Variants in PLB1 observed in about 807,000 individuals in gnomAD.
PLB1 encodes phospholipase B1, membrane-associated.
In PLB1, 242 loss-of-function variants were observed where a neutral mutation model predicts 227.4. The ratio of observed to expected loss-of-function variants is 1.06; its 90% CI spans 0.96 to 1.18. The LOEUF (loss-of-function observed/expected upper bound fraction) is 1.18, where lower values mean the gene tolerates loss of function less well. Among genes scored for constraint, PLB1 ranks in the 50% most tolerant of loss-of-function variants. The pLI, the probability that PLB1 is intolerant of heterozygous loss-of-function variation, is 0.00. For missense variants in PLB1, 1,858 were observed against 1,816.3 expected (o/e 1.02, Z -0.42); for synonymous variants, 757 against 682.2 (o/e 1.11, Z -1.71).
rs199628967 is a variant in PLB1 at position 28,523,222 on chromosome 2, C to G, written c.244-2045C>G. 9.6e-3 allele frequency among the ~76,000 whole-genome samples: 1,154 copies of G among 120,022 alleles called. 15 individuals carry two copies. The highest frequency in any genetic ancestry group is 0.029 in the African/African-American group (1,072 of 36,974). 78.7% of individuals were successfully genotyped at this position (120,022 alleles called of 152,430 possible). On this transcript the variant is annotated intron_variant, in intron 4 of 57. Transcript: ENST00000327757. ...ATTCCTCTACCTCAACAAACATACA[C>G]ACGTGCACACACATATATACATTCT...
chr2:28,507,064 C>T (rs191558039), intron 1 of PLB1, among the ~76,000 whole-genome samples: 21 of 152,254 alleles, frequency 1.4e-4, no homozygotes, highest in Non-Finnish European at 7.4e-5. Context: ...TCCCAGGTCC[C>T]GTTTAAAGTT....
chr2:28,628,421 GCTT>G (rs1357297284), intron 51 of PLB1, 139 bp from the exon 52 acceptor site: 4 of 678,206 alleles, frequency 5.9e-6, no homozygotes, highest in African/African-American at 5.3e-5. Context: ...CAAGAACTGG[GCTT>G]CTCAGTTTGA....
intron 43 of PLB1, 75 bp from the exon 44 acceptor site, chr2:28,613,956 T>C (rs1685830701): frequency 4.4e-6 from 5 of 1,142,340 alleles, no homozygotes; most frequent in South Asian, 1.2e-5. Context: ...CAGGGCAGGA[T>C]TGTTAGTTTT....
rs754672534 is a variant in PLB1 at position 28,633,021 on chromosome 2, C to G, written c.4080C>G (p.Ile1360Met). 1 of 1,614,000 alleles carries G rather than the reference C, an allele frequency of 6.2e-7. No homozygotes were observed. Among genetic ancestry groups the G allele is most frequent in the South Asian group, 1.1e-5 (1 of 91,074 alleles). Residue 1360 changes from isoleucine (I) to methionine (M), a missense_variant, in exon 56 of 58, where the codon ATC becomes ATG. Transcript: ENST00000327757. ...FSDRGHAEMA[I>M]ALWNNMLEPV... ...ACCGCGGGCATGCCGAGATGGCCAT[C>G]GCACTCTGGAACAACATGGTGAGCA...
Position 28,592,635 on chromosome 2 carries a change from C to T in PLB1, c.2189-26C>T, listed in dbSNP as rs1276042154. On this transcript the variant is annotated intron_variant, in intron 31 of 57. Coordinates refer to ENST00000327757, the MANE Select transcript of PLB1 (RefSeq NM_153021.5). ...TGACTGTGGCTTCCCTCCTGCAGCC[C>T]TAAGTGTGTCCACTTGTCTTTCCAG... The T allele has an allele frequency of 3.7e-6, 6 of 1,612,968 alleles. 1 individual carries two copies. The South Asian group carries it at 4.4e-5, about 12-fold the overall frequency.
chr2:28,612,039 G>A lies in PLB1; in HGVS notation c.3130-1992G>A, dbSNP rs550772035. On this transcript the variant is annotated intron_variant, in intron 43 of 57. Coordinates refer to ENST00000327757, the MANE Select transcript of PLB1 (RefSeq NM_153021.5). ...CAGGTGCCTGTAGTCCCAGCTACTC[G>A]GGAGGCTGAGGCAGGAAAATGGCAT... is the stretch of plus-strand genomic sequence containing the variant. Among the ~76,000 whole-genome samples, 61 of 152,240 alleles carry A rather than the reference G, an allele frequency of 4.0e-4. No homozygotes were observed. In the Middle Eastern group the frequency reaches 0.01, roughly 26 times the overall value.
Position 28,548,903 on chromosome 2 carries a change from A to T in PLB1, c.980A>T (p.His327Leu). The T allele has an allele frequency of 6.2e-7, 1 of 1,614,116 alleles. No homozygotes were observed. The highest frequency in any genetic ancestry group is 8.5e-7 in the Non-Finnish European group (1 of 1,179,986). ...GEKDEPLSVK[H>L]GRPMKCPSQE... ...AAAGATGAGCCATTGAGTGTAAAAC[A>T]CGGGAGGCCAATGAAGTGTCCCTCT... The change falls in exon 15 of 58, where the codon CAC becomes CTC. Residue 327 changes from histidine (H) to leucine (L), a missense_variant. By Grantham distance (99) the His-to-Leu change is moderately conservative. Transcript: ENST00000327757.
chr2:28,640,995 C>G lies in PLB1; in HGVS notation c.4167C>G (p.Pro1389=), dbSNP rs768851270. The G allele has an allele frequency of 2.5e-6, 4 of 1,613,420 alleles. No homozygotes were observed. The highest frequency in any genetic ancestry group is 3.3e-5 in the Admixed American group (2 of 59,952). ...FTHSRAKLKC[P]SPESPYLYTL... The stretch of plus-strand genomic sequence containing the variant: ...ACAGCCGAGCCAAACTCAAGTGCCC[C>G]TCTCCTGTGAGTAAACGTCCTGCCT... The change falls in exon 57 of 58, where the codon CCC becomes CCG. Residue 1389 remains proline (P), a synonymous_variant. Coordinates refer to ENST00000327757, the MANE Select transcript of PLB1 (RefSeq NM_153021.5).
chr2:28,591,848 C>T (rs1226624992), intron 31 of PLB1, 88 bp downstream of exon 31: 5 of 1,317,622 alleles, frequency 3.8e-6, no homozygotes, highest in African/African-American at 1.5e-5. Context: ...TTCACACTCA[C>T]TAAATGGCAC....
Position 28,541,765 on chromosome 2 carries a change from T to C in PLB1, c.833T>C (p.Val278Ala), listed in dbSNP as rs148066334. 4.6e-4 allele frequency: 735 copies of C among 1,614,034 alleles called. No homozygotes were observed. The highest frequency in any genetic ancestry group is 5.9e-4 in the Non-Finnish European group (691 of 1,180,018). ...SRYSEQESFTVVFQPFFYETT... is the reference protein window; with the variant it reads ...SRYSEQESFTAVFQPFFYETT... ...TACAGTGAGCAGGAGTCCTTCACCG[T>C]GGTTTTCCAGCCTTTCTTCTATGAG... The change falls in exon 13 of 58, where the codon GTG (valine) becomes GCG (alanine). Residue 278 changes from valine to alanine, a missense_variant. Transcript: ENST00000327757.
rs576827238 is a variant in PLB1 at position 28,520,917 on chromosome 2, G to A, written c.243+1154G>A. ...TTGAACCCAGGAGGCAGAAGTTGCAGTGAGCTGAGATCATGCCATTGCACT... is the reference window on the plus strand; with the variant it reads ...TTGAACCCAGGAGGCAGAAGTTGCAATGAGCTGAGATCATGCCATTGCACT... On this transcript the variant is annotated intron_variant, in intron 4 of 57. Transcript: ENST00000327757. Among the ~76,000 whole-genome samples the A allele has an allele frequency of 1.2e-4, 19 of 152,324 alleles. No individual in the cohort carries two copies. In the South Asian group the frequency reaches 3.1e-3, roughly 25 times the overall value.
rs567451028 is a variant in PLB1 at position 28,640,803 on chromosome 2, A to G, written c.4099-124A>G. ...CCCTGCTGTGGGCCAAAAACCAGCC[A>G]CTTCGCTGGTTTCTATCCCCCACCC... On this transcript the variant is annotated intron_variant, in intron 56 of 57. Transcript: ENST00000327757. 44 of 990,340 alleles carry G rather than the reference A, an allele frequency of 4.4e-5. No individual in the cohort carries two copies. In the South Asian group the frequency reaches 6.7e-4, roughly 15 times the overall value. The allele number at this position is 990,340 out of a possible 1,614,324, so 61.3% of individuals were successfully genotyped here.
At position 28,565,272 on chromosome 2, in the gene PLB1, C is replaced by G. The variant is rs751508125; in HGVS notation, c.1207-8C>G. On this transcript the variant is annotated splice_region_variant and splice_polypyrimidine_tract_variant and intron_variant, in intron 18 of 57. Transcript: ENST00000327757. ...AGAGAAACTCACCCCCTCATTGTTC[C>G]CTCTCAGGCAGGCAATGGGGCCGGG... is the stretch of plus-strand genomic sequence containing the variant. 8 of 1,609,666 alleles carry G rather than the reference C, an allele frequency of 5.0e-6. No individual in the cohort carries two copies. The highest frequency in any genetic ancestry group is 1.7e-4 in the Middle Eastern group (1 of 6,058).
intron 33 of PLB1, chr2:28,595,399 C>T (rs946634933): frequency 4.6e-5 from 7 of 152,152 alleles, no homozygotes; most frequent in African/African-American, 7.2e-5. Context: ...AATACATAGA[C>T]TACTGTGTCT....
intron 20 of PLB1, among the ~76,000 whole-genome samples, chr2:28,570,304 T>C (rs4666097): frequency 0.12 from 18,026 of 151,408 alleles, 1,532 homozygotes; most frequent in East Asian, 0.29. Flanking sequence ...TCCAGCAATA[T>C]GAAAAAAAAA....
rs186492838 is a variant in PLB1, at chr2:28,633,001, G to A, written c.4060G>A (p.Gly1354Arg). The A allele has an allele frequency of 2.2e-5, 35 of 1,609,040 alleles. No homozygotes were observed. Among genetic ancestry groups the A allele is most frequent in the Admixed American group, 1.5e-4 (9 of 59,814 alleles). ...GGACTGTTTTCACTTCTCAGACCGC[G>A]GGCATGCCGAGATGGCCATCGCACT... ...SEDCFHFSDR[G>R]HAEMAIALWN... Residue 1354 changes from glycine to arginine, a missense_variant, in exon 56 of 58, where the codon GGG (glycine) becomes AGG (arginine). Transcript: ENST00000327757.
In PLB1 at chr2:28,598,730, T is replaced by C. The variant is rs376159984; in HGVS notation, c.2444T>C (p.Leu815Pro). 4 of 1,614,166 alleles carry C rather than the reference T, an allele frequency of 2.5e-6. No individual in the cohort carries two copies. Among genetic ancestry groups the C allele is most frequent in the Non-Finnish European group, 3.4e-6 (4 of 1,179,976 alleles). The change falls in exon 35 of 58, where the codon CTC becomes CCC. Residue 815 changes from leucine to proline, a missense_variant. Coordinates refer to ENST00000327757, the MANE Select transcript of PLB1 (RefSeq NM_153021.5). ...GATGCCAATGACACGAATGCATTCCTCAATCAAGCTGTTCCCGGAGCAAAG... is the reference window on the plus strand; with the variant it reads ...GATGCCAATGACACGAATGCATTCCCCAATCAAGCTGTTCCCGGAGCAAAG... ...TGDANDTNAF[L>P]NQAVPGAKAE...
Position 28,642,065 on chromosome 2 carries a change from C to T in PLB1, c.4174-793C>T, listed in dbSNP as rs532200096. Among the ~76,000 whole-genome samples, 32 of 152,274 alleles carry T rather than the reference C, an allele frequency of 2.1e-4. No individual in the cohort carries two copies. The South Asian group carries it at 5.4e-3, about 26-fold the overall frequency. ...ATCTTCCATCTGCTATGAGAACATCCGCCTCCCTCCAGGTCCAGATGTTGC... is the reference window on the plus strand; with the variant it reads ...ATCTTCCATCTGCTATGAGAACATCTGCCTCCCTCCAGGTCCAGATGTTGC... On this transcript the variant is annotated intron_variant, in intron 57 of 57. Transcript: ENST00000327757.
intron 46 of PLB1, among the ~76,000 whole-genome samples, chr2:28,619,161 CTATGAGT>C (rs1265919276): frequency 6.6e-6 from 1 of 152,174 alleles, no homozygotes; most frequent in Non-Finnish European, 1.5e-5. Flanking sequence ...AGCCTGGTAC[CTATGAGT>C]TATGTTTCCT....
Sources: gnomAD v4.1 joint callset for allele counts (sites outside exome capture counted in the v4.1 genomes callset) on GRCh38, gnomAD v4.1.1 for gene constraint, MANE v1.5 for transcripts, NCBI Gene and HGNC (gene_info 2026-07-23, HGNC 2026-07-21) for gene names.